Variants in TSC2 observed in about 807,000 individuals in gnomAD.
TSC2 encodes tuberin.
TSC2 carries 29 observed loss-of-function variants against 202.2 expected under a neutral mutation model. That is an observed-to-expected ratio of 0.14 (90% CI 0.11 to 0.20). The LOEUF is 0.20. Among genes scored for constraint, TSC2 ranks in the 10% least tolerant of loss-of-function variants. The probability of loss-of-function intolerance (pLI) is 1.00; values close to 1 mark genes in which losing one functional copy is unlikely to be tolerated. For missense variants in TSC2, 2,429 were observed against 2,420.0 expected, an observed-to-expected ratio of 1.00 and a Z score of -0.08; for synonymous variants, 1,349 against 1,044.0, an observed-to-expected ratio of 1.29 and a Z score of -5.63.
At position 2,089,156 on chromosome 16, in the gene TSC2, A is replaced by G. The variant is rs974154277; in HGVS notation, c.*546A>G. The stretch of plus-strand genomic sequence containing the variant: ...GCATCCAAGCAGCAGCCGGGCTGCC[A>G]TAACGCCACCACACCTACCAAGCGC... On this transcript the variant is annotated 3_prime_UTR_variant, in exon 42 of 42. Transcript: ENST00000219476. 4.7e-5 allele frequency: 8 copies of G among 170,946 alleles called. No homozygotes were observed. Among genetic ancestry groups the G allele is most frequent in the African/African-American group, 1.4e-4 (6 of 41,818 alleles). 10.6% of individuals were successfully genotyped at this position (170,946 alleles called of 1,614,324 possible).
intron 10 of TSC2, among the ~76,000 whole-genome samples, chr16:2,059,973 T>G (rs758081820): frequency 6.6e-6 from 1 of 152,170 alleles, no homozygotes; most frequent in Non-Finnish European, 1.5e-5. Flanking sequence ...AAGGCTTTAT[T>G]CTCAAGCAAA....
intron 16 of TSC2, among the ~76,000 whole-genome samples, chr16:2,067,353 G>T (rs1443331386): frequency 6.6e-6 from 1 of 151,474 alleles, no homozygotes; most frequent in Non-Finnish European, 1.5e-5. Context: ...GTAGAGATGG[G>T]GTCTTTATAT....
At chr16:2,059,142 C>T (rs2086292114) in intron 10 of TSC2, among the ~76,000 whole-genome samples, 1 of 151,682 alleles carries the variant, frequency 6.6e-6, no homozygotes, top group Non-Finnish European at 1.5e-5. Context: ...CCTCAGACTC[C>T]TGAGTAGCTG....
chr16:2,089,157 TAACGCCACCACACCTACCA>T lies in TSC2; in HGVS notation c.*549_*567del, dbSNP rs1212750775. Reference sequence around the variant, plus strand: ...CATCCAAGCAGCAGCCGGGCTGCCATAACGCCACCACACCTACCAAGCGCAGCAGGTGTTGGGGGAGGCC... The same window carrying T: ...CATCCAAGCAGCAGCCGGGCTGCCATAGCGCAGCAGGTGTTGGGGGAGGCC... On this transcript the variant is annotated 3_prime_UTR_variant, in exon 42 of 42. Coordinates refer to ENST00000219476, the MANE Select transcript of TSC2 (RefSeq NM_000548.5). 1.2e-5 allele frequency: 2 copies of T among 169,694 alleles called. No homozygotes were observed. Among genetic ancestry groups the T allele is most frequent in the African/African-American group, 4.8e-5 (2 of 41,742 alleles). The allele number at this position is 169,694 out of a possible 1,614,324, so 10.5% of individuals were successfully genotyped here. A position where few individuals can be genotyped will look rare whatever the true frequency, so the allele number is the denominator to read the frequency against.
In TSC2 at chr16:2,085,336, G is replaced by T. The variant is rs772807006; in HGVS notation, c.4662+14G>T. On this transcript the variant is annotated intron_variant, in intron 36 of 41. Transcript: ENST00000219476. ...GGAGAAGGCCAGGTGAGGCTGCGGG[G>T]CCGGCCTAGGTGCCTGGACAGGGCC... 5.6e-6 allele frequency: 9 copies of T among 1,612,264 alleles called. No homozygotes were observed. The highest frequency in any genetic ancestry group is 5.1e-6 in the Non-Finnish European group (6 of 1,179,860).
At chr16:2,083,851 T>C (rs760653613) in intron 33 of TSC2, 35 bp downstream of exon 33, 2 of 1,596,398 alleles carry the variant, frequency 1.3e-6, no homozygotes, top group Non-Finnish European at 1.7e-6. Flanking sequence ...CCTGCTGACC[T>C]CGGGGGGCTC....
chr16:2,064,575 A>C, intron 15 of TSC2, 148 bp downstream of exon 15: 1 of 1,179,982 alleles, frequency 8.5e-7, no homozygotes, highest in Non-Finnish European at 1.2e-6. Flanking sequence ...GGGTGTCCCG[A>C]GGCCTGTGCA....
intron 8 of TSC2, 21 bp from the exon 9 acceptor site, chr16:2,057,084 G>T: frequency 1.3e-6 from 2 of 1,550,874 alleles, no homozygotes; most frequent in South Asian, 2.4e-5. Flanking sequence ...GCCAGCCCCT[G>T]ACACGCATTG....
intron 22 of TSC2, 53 bp from the exon 23 acceptor site, chr16:2,075,746 A>G (rs2151378623): frequency 1.3e-6 from 2 of 1,588,426 alleles, no homozygotes; most frequent in African/African-American, 1.3e-5. Context: ...GTTGGCCTTC[A>G]GAGGCGCTGC....
intron 33 of TSC2, 128 bp from the exon 34 acceptor site, chr16:2,084,100 C>G: frequency 6.6e-7 from 1 of 1,505,096 alleles, no homozygotes; most frequent in Non-Finnish European, 9.0e-7. Flanking sequence ...GGGGCCGTAG[C>G]CTGGTGCTCG....
Position 2,088,654 on chromosome 16 carries a change from T to TGTCA in TSC2, c.*47_*50dup, listed in dbSNP as rs770145679. On this transcript the variant is annotated 3_prime_UTR_variant, in exon 42 of 42. Coordinates refer to ENST00000219476, the MANE Select transcript of TSC2 (RefSeq NM_000548.5). ...TGCACTGGCCTTGGACGGTATTGCC[T>TGTCA]GTCAGTGAAATAAATAAAGTCCTGA... is the stretch of plus-strand genomic sequence containing the variant. 3.7e-4 allele frequency: 584 copies of TGTCA among 1,572,686 alleles called. No homozygotes were observed. Among genetic ancestry groups the TGTCA allele is most frequent in the Admixed American group, 6.8e-4 (38 of 55,698 alleles).
chr16:2,086,599 C>A, intron 37 of TSC2, 133 bp from the exon 38 acceptor site: 1 of 1,466,782 alleles, frequency 6.8e-7, no homozygotes, highest in South Asian at 1.2e-5. Flanking sequence ...CCGAGGACCA[C>A]TGGCCAGGCA....
chr16:2,078,007 G>T (rs761813528), intron 26 of TSC2, among the ~76,000 whole-genome samples: 1 of 152,244 alleles, frequency 6.6e-6, no homozygotes, highest in African/African-American at 2.4e-5. Context: ...CCCAAGGGCC[G>T]CAGTGTGGGT....
rs879082807 is a variant in TSC2 at position 2,079,499 on chromosome 16, G to T, written c.3285-58G>T. The T allele has an allele frequency of 6.2e-7, 1 of 1,607,286 alleles. No individual in the cohort carries two copies. Among genetic ancestry groups the T allele is most frequent in the South Asian group, 1.1e-5 (1 of 90,428 alleles). Reference sequence around the variant, plus strand: ...GCTGTCCCGAGCCCAGGCCCACGTGGCACCCTCGTACCAGCCTGGGGACTA... The same window carrying T: ...GCTGTCCCGAGCCCAGGCCCACGTGTCACCCTCGTACCAGCCTGGGGACTA... On this transcript the variant is annotated intron_variant, in intron 28 of 41. Transcript: ENST00000219476. This position sits in a 1 kb window ranked among gnomAD's most constrained non-coding sequence, Gnocchi z 4.6.
In TSC2 at chr16:2,058,802, G is replaced by A. The variant is rs2151107253; in HGVS notation, c.904G>A (p.Ala302Thr). ...AGGAGCCGTGTTTTTTGTGGGCATG[G>A]CTCTCTGGGGAGCCCACCGGCTCTA... ...LRGAVFFVGM[A>T]LWGAHRLYSL... Residue 302 changes from alanine (A) to threonine (T), a missense_variant, in exon 10 of 42, where the codon GCT (alanine) becomes ACT (threonine). Ala to Thr is a moderately conservative substitution (Grantham distance 58). Coordinates refer to ENST00000219476, the MANE Select transcript of TSC2 (RefSeq NM_000548.5). 1.3e-6 allele frequency: 2 copies of A among 1,598,118 alleles called. No homozygotes were observed. The highest frequency in any genetic ancestry group is 8.5e-7 in the Non-Finnish European group (1 of 1,172,170).
chr16:2,053,397 C>T lies in TSC2; in HGVS notation c.281C>T (p.Pro94Leu), dbSNP rs200045926. 6.9e-6 allele frequency: 11 copies of T among 1,592,164 alleles called. No homozygotes were observed. Among genetic ancestry groups the T allele is most frequent in the African/African-American group, 4.0e-5 (3 of 74,714 alleles). ...GCGGATCTGTTGCAGCCGGAGCGGC[C>T]GCTGGAGGCCCGGCACGCGGTGCTG... ...AVADLLQPER[P>L]LEARHAVLAL... The change falls in exon 4 of 42, where the codon CCG (proline) becomes CTG (leucine). Residue 94 changes from proline (P) to leucine (L), a missense_variant. Transcript: ENST00000219476.
Position 2,088,487 on chromosome 16 carries a change from G to C in TSC2, c.5301G>C (p.Leu1767=), listed in dbSNP as rs886051798. 31 of 1,612,860 alleles carry C rather than the reference G, an allele frequency of 1.9e-5. No individual in the cohort carries two copies. The East Asian group carries it at 6.9e-4, about 36-fold the overall frequency. ...CCTACTCCAACCCCAGCCTACCTCT[G>C]GTGCACCCTCCGTCCCATAGCAAAG... ...EAAYSNPSLP[L]VHPPSHSKAP... Residue 1767 remains leucine, a synonymous_variant, in exon 42 of 42, where the codon CTG becomes CTC. Coordinates refer to ENST00000219476, the MANE Select transcript of TSC2 (RefSeq NM_000548.5).
Position 2,088,790 on chromosome 16 carries a change from C to G in TSC2, c.*180C>G. 1.2e-6 allele frequency: 1 copy of G among 827,554 alleles called. No individual in the cohort carries two copies. The highest frequency in any genetic ancestry group is 1.8e-5 in the South Asian group (1 of 56,006). 51.3% of individuals were successfully genotyped at this position (827,554 alleles called of 1,614,324 possible). A position where few individuals can be genotyped will look rare whatever the true frequency, so the allele number is the denominator to read the frequency against. On this transcript the variant is annotated 3_prime_UTR_variant, in exon 42 of 42. Coordinates refer to ENST00000219476, the MANE Select transcript of TSC2 (RefSeq NM_000548.5). ...TGTCGAGGCTCTAGAAGCGGCCATG[C>G]CCACAGAAGTGGTACACAGAAGCAG... is the stretch of plus-strand genomic sequence containing the variant.
chr16:2,078,820 C>T lies in TSC2; in HGVS notation c.2967-212C>T, dbSNP rs2089751371. 15 of 638,216 alleles carry T rather than the reference C, an allele frequency of 2.4e-5. No homozygotes were observed. In the South Asian group the frequency reaches 2.8e-4, roughly 12 times the overall value. 39.5% of individuals were successfully genotyped at this position (638,216 alleles called of 1,614,324 possible). A position where few individuals can be genotyped will look rare whatever the true frequency, so the allele number is the denominator to read the frequency against. On this transcript the variant is annotated intron_variant, in intron 26 of 41. Transcript: ENST00000219476. Reference sequence around the variant, plus strand: ...TCCTGAGTCTGCTCCGACCAGTAGGCCTGGTCTTCCCCACCCAGCGTCTCC... The same window carrying T: ...TCCTGAGTCTGCTCCGACCAGTAGGTCTGGTCTTCCCCACCCAGCGTCTCC...
Sources: allele counts gnomAD v4.1 joint callset (sites outside exome capture counted in the v4.1 genomes callset), GRCh38; gene constraint gnomAD v4.1.1; non-coding constraint Gnocchi (gnomAD v3.1); transcripts MANE v1.5; gene names NCBI Gene and HGNC (gene_info 2026-07-23, HGNC 2026-07-21).